Variants in TBCK observed in about 807,000 individuals in gnomAD.
TBCK encodes the protein TBC1 domain containing kinase.
A neutral mutation model predicts 113.4 loss-of-function variants in TBCK; 99 were observed. The observed-to-expected ratio is 0.87, with a 90% CI of 0.74 to 1.03. The LOEUF (loss-of-function observed/expected upper bound fraction) is 1.03, where lower values mean the gene tolerates loss of function less well. TBCK is among the 50% of genes least tolerant of loss of function. The pLI, the probability that TBCK is intolerant of heterozygous loss-of-function variation, is 0.00. For missense variants in TBCK, 1,045 were observed against 1,061.3 expected, an observed-to-expected ratio of 0.98 and a Z score of 0.21; for synonymous variants, 369 against 370.8, an observed-to-expected ratio of 1.00 and a Z score of 0.05.
At chr4:106,284,938 C>T (rs1560966555) in intron 3 of TBCK, among the ~76,000 whole-genome samples, 1 of 152,226 alleles carries the variant, frequency 6.6e-6, no homozygotes, top group Admixed American at 6.5e-5. Context: ...TTAATAGGCA[C>T]TAAATGTGAG....
At chr4:106,187,732 C>T (rs1753188653) in intron 22 of TBCK, among the ~76,000 whole-genome samples, 1 of 152,072 alleles carries the variant, frequency 6.6e-6, no homozygotes, top group African/African-American at 2.4e-5. Context: ...TTTCTTTAAG[C>T]AGTGTTTTGT....
intron 22 of TBCK, among the ~76,000 whole-genome samples, chr4:106,176,242 G>GTGC (rs1471659813): frequency 2.0e-5 from 3 of 151,954 alleles, no homozygotes; most frequent in Admixed American, 6.6e-5. Flanking sequence ...TCATCCTACT[G>GTGC]TGCTGTCTAT....
intron 1 of TBCK, chr4:106,309,930 A>G (rs186773862): frequency 1.3e-5 from 2 of 152,304 alleles, no homozygotes; most frequent in East Asian, 3.9e-4. Flanking sequence ...CACTTACTCC[A>G]AAATAAATGG....
At position 106,262,227 on chromosome 4, in the gene TBCK, A is replaced by G. The variant is rs751886968; in HGVS notation, c.267-15T>C. ...CCGTTGAACAGCTACAAAGAAAACAAAAAGTCAAAGATCAATTACAAAGCA... is the reference window on the plus strand; with the variant it reads ...CCGTTGAACAGCTACAAAGAAAACAGAAAGTCAAAGATCAATTACAAAGCA... On this transcript the variant is annotated splice_polypyrimidine_tract_variant and intron_variant, in intron 3 of 25. Transcript: ENST00000394708. 1.4e-6 allele frequency: 2 copies of G among 1,443,794 alleles called. No individual in the cohort carries two copies. The allele number at this position is 1,443,794 out of a possible 1,614,324, so 89.4% of individuals were successfully genotyped here. A position where few individuals can be genotyped will look rare whatever the true frequency, so the allele number is the denominator to read the frequency against.
At chr4:106,182,121 TTAG>T (rs986557373) in intron 22 of TBCK, among the ~76,000 whole-genome samples, 10 of 152,260 alleles carry the variant, frequency 6.6e-5, no homozygotes, top group African/African-American at 2.4e-4. Context: ...TTTTATTCTC[TTAG>T]TAGCAATTGT....
At chr4:106,111,744 T>C (rs1030164580) in intron 24 of TBCK, among the ~76,000 whole-genome samples, 2 of 152,236 alleles carry the variant, frequency 1.3e-5, no homozygotes, top group African/African-American at 4.8e-5. Flanking sequence ...GTCTTTCTCC[T>C]TGGAAATATC....
rs1423898664 is a variant in TBCK, at chr4:106,139,773, A to T, written c.2236-23395T>A. ...ATAAATTTGAATGGTTCCTTTCTATAACATTAAATTGGTTGGTACACATTT... is the reference window on the plus strand; with the variant it reads ...ATAAATTTGAATGGTTCCTTTCTATTACATTAAATTGGTTGGTACACATTT... On this transcript the variant is annotated intron_variant, in intron 23 of 25. Coordinates refer to ENST00000394708, the MANE Select transcript of TBCK (RefSeq NM_001163435.3). 1.4e-5 allele frequency among the ~76,000 whole-genome samples: 2 copies of T among 141,082 alleles called. 1 individual carries two copies. The highest frequency in any genetic ancestry group is 3.2e-5 in the Non-Finnish European group (2 of 62,072). 92.6% of individuals were successfully genotyped at this position (141,082 alleles called of 152,430 possible). A position where few individuals can be genotyped will look rare whatever the true frequency, so the allele number is the denominator to read the frequency against.
chr4:106,136,220 TA>T (rs1746537328), intron 23 of TBCK, among the ~76,000 whole-genome samples: 1 of 138,644 alleles, frequency 7.2e-6, no homozygotes, highest in Non-Finnish European at 1.7e-5. Context: ...TCCATCCATC[TA>T]CAGTAAACAG....
At chr4:106,200,092 T>C (rs1220760273) in intron 20 of TBCK, among the ~76,000 whole-genome samples, 2 of 152,214 alleles carry the variant, frequency 1.3e-5, no homozygotes, top group South Asian at 4.1e-4. Flanking sequence ...GTTACAATGG[T>C]CTACTGGCTG....
chr4:106,268,596 C>T (rs147461942), intron 3 of TBCK, among the ~76,000 whole-genome samples: 4 of 152,150 alleles, frequency 2.6e-5, no homozygotes, highest in Admixed American at 1.3e-4. Flanking sequence ...CACCCAATGG[C>T]TATCCACAAA....
At chr4:106,074,574 G>A (rs772580439) in intron 25 of TBCK, among the ~76,000 whole-genome samples, 3 of 152,108 alleles carry the variant, frequency 2.0e-5, no homozygotes, top group Non-Finnish European at 2.9e-5. Flanking sequence ...GTAAGAAATA[G>A]AACACAGAAA....
chr4:106,155,654 C>T (rs183624264), intron 23 of TBCK, among the ~76,000 whole-genome samples: 1 of 151,966 alleles, frequency 6.6e-6, no homozygotes, highest in Non-Finnish European at 1.5e-5. Context: ...CTGCTTGATA[C>T]ATTCTATTAG....
In TBCK at chr4:106,129,388, G is replaced by A. The variant is rs543260470; in HGVS notation, c.2236-13010C>T. 8.5e-5 allele frequency among the ~76,000 whole-genome samples: 13 copies of A among 152,276 alleles called. No homozygotes were observed. In the East Asian group the frequency reaches 2.3e-3, roughly 27 times the overall value. ...GCTCCCACTTATAAGTGAACATGCGGTGTTTGGTTTTCTGTTCCTGCGTTA... is the reference window on the plus strand; with the variant it reads ...GCTCCCACTTATAAGTGAACATGCGATGTTTGGTTTTCTGTTCCTGCGTTA... On this transcript the variant is annotated intron_variant, in intron 23 of 25. Transcript: ENST00000394708.
intron 17 of TBCK, 102 bp downstream of exon 17, chr4:106,232,836 T>C (rs1759015925): frequency 2.6e-6 from 3 of 1,174,666 alleles, no homozygotes; most frequent in Admixed American, 4.9e-5. Flanking sequence ...ATATTGACTT[T>C]CCCCAAAGAC....
intron 20 of TBCK, among the ~76,000 whole-genome samples, chr4:106,210,510 G>A (rs1275107668): frequency 2.6e-5 from 4 of 152,118 alleles, no homozygotes; most frequent in African/African-American, 9.7e-5. Context: ...TCTCAGATCT[G>A]AAAGGTTCCC....
At chr4:106,058,199 C>A (rs1450514275) in intron 25 of TBCK, among the ~76,000 whole-genome samples, 1 of 151,686 alleles carries the variant, frequency 6.6e-6, no homozygotes, top group Non-Finnish European at 1.5e-5. Flanking sequence ...AATAAGTAAA[C>A]AGGTGATTAC....
At chr4:106,069,991 G>T (rs1253898446) in intron 25 of TBCK, among the ~76,000 whole-genome samples, 1 of 152,138 alleles carries the variant, frequency 6.6e-6, no homozygotes, top group Non-Finnish European at 1.5e-5. Context: ...CATTGATTTT[G>T]TATCCTGAGA....
intron 3 of TBCK, among the ~76,000 whole-genome samples, chr4:106,286,653 C>T (rs1283358498): frequency 1.3e-5 from 2 of 151,954 alleles, no homozygotes; most frequent in African/African-American, 4.8e-5. Flanking sequence ...ATAATGAGAC[C>T]CCTGTATATA....
intron 24 of TBCK, among the ~76,000 whole-genome samples, chr4:106,109,106 A>T (rs913161873): frequency 6.6e-6 from 1 of 151,908 alleles, no homozygotes; most frequent in Non-Finnish European, 1.5e-5. Flanking sequence ...GAATTACAAA[A>T]CACTACTCAA....
Sources: allele counts gnomAD v4.1 joint callset (sites outside exome capture counted in the v4.1 genomes callset), GRCh38; gene constraint gnomAD v4.1.1; transcripts MANE v1.5; gene names NCBI Gene and HGNC (gene_info 2026-07-23, HGNC 2026-07-21).